Variants in PGM5 observed in about 807,000 individuals in gnomAD.
PGM5 encodes the protein phosphoglucomutase-like protein 5.
A neutral mutation model predicts 59.2 loss-of-function variants in PGM5; 23 were observed. The ratio of observed to expected loss-of-function variants is 0.39; its 90% CI spans 0.28 to 0.55. PGM5 has a LOEUF of 0.55. PGM5 is among the 20% of genes least tolerant of loss of function. The pLI, the probability that PGM5 is intolerant of heterozygous loss-of-function variation, is 0.66. For synonymous variants in PGM5, 214 were observed against 286.0 expected (o/e 0.75, Z 2.54); for missense variants, 574 against 748.3 (o/e 0.77, Z 2.72).
At position 68,413,790 on chromosome 9, in the gene PGM5, A is replaced by T. The variant is rs554084837; in HGVS notation, c.1043+21317A>T. ...GTCCTGATGCAGGAACTCATCTCTTAACAAAACAACACAGCCATATACAGA... is the reference window on the plus strand; with the variant it reads ...GTCCTGATGCAGGAACTCATCTCTTTACAAAACAACACAGCCATATACAGA... On this transcript the variant is annotated intron_variant, in intron 6 of 10. Transcript: ENST00000396396. Among the ~76,000 whole-genome samples the T allele has an allele frequency of 1.4e-3, 214 of 152,308 alleles. 1 individual carries two copies. Among genetic ancestry groups the T allele is most frequent in the African/African-American group, 5.1e-3 (211 of 41,564 alleles).
intron 6 of PGM5, among the ~76,000 whole-genome samples, chr9:68,414,420 A>C (rs148190827): frequency 6.6e-6 from 1 of 152,126 alleles, no homozygotes; most frequent in East Asian, 1.9e-4. Context: ...CAATGAAAGG[A>C]TATGCTATTG....
In PGM5 at chr9:68,530,082, T is replaced by A. The variant is rs1825056987; in HGVS notation, c.*426T>A. On this transcript the variant is annotated 3_prime_UTR_variant, in exon 11 of 11. Transcript: ENST00000396396. Reference sequence around the variant, plus strand: ...CCCCTGGGCAGGCAGAAGGAGACACTCCCAGCATGGAGGAGGGTTTATCTT... The same window carrying A: ...CCCCTGGGCAGGCAGAAGGAGACACACCCAGCATGGAGGAGGGTTTATCTT... 6.3e-6 allele frequency: 1 copy of A among 158,612 alleles called. No homozygotes were observed. The highest frequency in any genetic ancestry group is 1.4e-5 in the Non-Finnish European group (1 of 72,624). 9.8% of individuals were successfully genotyped at this position (158,612 alleles called of 1,614,324 possible).
chr9:68,505,999 C>T (rs543157766), intron 10 of PGM5, among the ~76,000 whole-genome samples: 19 of 152,104 alleles, frequency 1.2e-4, no homozygotes, highest in Non-Finnish European at 2.5e-4. Flanking sequence ...ACAAAGACTC[C>T]TATCATTCAG....
intron 2 of PGM5, among the ~76,000 whole-genome samples, chr9:68,380,704 T>G (rs454791): frequency 1.3e-5 from 2 of 151,650 alleles, no homozygotes; most frequent in Non-Finnish European, 3.0e-5. Context: ...CTAGATTCAC[T>G]AAAAAAAGCA....
rs1244483176 is a variant in PGM5, at chr9:68,466,041, C to T, written c.1159+833C>T. 8.1e-6 allele frequency: 6 copies of T among 741,428 alleles called. No homozygotes were observed. The Admixed American group carries it at 2.3e-4, about 28-fold the overall frequency. 45.9% of individuals were successfully genotyped at this position (741,428 alleles called of 1,614,324 possible). On this transcript the variant is annotated intron_variant, in intron 7 of 10. Coordinates refer to ENST00000396396, the MANE Select transcript of PGM5 (RefSeq NM_021965.4). ...TTTCAAATATTTCTCCTTCCCCATT[C>T]TTTGTCTCTTGTCCTTCTGAGGCTC...
chr9:68,390,219 T>C (rs1312306593), intron 4 of PGM5, among the ~76,000 whole-genome samples: 5 of 152,112 alleles, frequency 3.3e-5, no homozygotes, highest in Admixed American at 2.6e-4. Context: ...GTTGGGCTGA[T>C]CATATTCCTC....
intron 6 of PGM5, among the ~76,000 whole-genome samples, chr9:68,444,984 C>CT (rs1823589578): frequency 6.6e-6 from 1 of 152,192 alleles, no homozygotes; most frequent in Non-Finnish European, 1.5e-5. Flanking sequence ...CTGCCTGGAG[C>CT]TTTGCTTTCT....
intron 1 of PGM5, among the ~76,000 whole-genome samples, chr9:68,362,865 C>CTTTTTTTTTTT (rs1163826772): frequency 2.3e-4 from 22 of 96,752 alleles, no homozygotes; most frequent in East Asian, 3.0e-4. Flanking sequence ...TTTTCTTTTT[C>CTTTTTTTTTTT]TTTTTTTTTT....
chr9:68,526,360 T>C (rs772001835), intron 10 of PGM5, among the ~76,000 whole-genome samples: 1 of 152,228 alleles, frequency 6.6e-6, no homozygotes, highest in African/African-American at 2.4e-5. Context: ...AGTTTCCTCA[T>C]GTGGCATTTT....
intron 1 of PGM5, among the ~76,000 whole-genome samples, chr9:68,377,139 C>A (rs1454128894): frequency 6.6e-6 from 1 of 151,898 alleles, no homozygotes. Context: ...TTTGGCCAGG[C>A]TGGTCTCGAA....
intron 10 of PGM5, among the ~76,000 whole-genome samples, chr9:68,505,529 G>T (rs1824640055): frequency 6.6e-6 from 1 of 152,182 alleles, no homozygotes; most frequent in Non-Finnish European, 1.5e-5. Flanking sequence ...TCCCCCTTCA[G>T]ATTTAATAAT....
chr9:68,470,485 A>G (rs1384611860), intron 7 of PGM5, among the ~76,000 whole-genome samples: 3 of 152,262 alleles, frequency 2.0e-5, no homozygotes, highest in East Asian at 3.8e-4. Context: ...TGGGTTCACA[A>G]TAGTGCTGTT....
intron 10 of PGM5, among the ~76,000 whole-genome samples, chr9:68,524,624 A>G (rs547156960): frequency 3.9e-5 from 6 of 152,314 alleles, no homozygotes; most frequent in Middle Eastern, 3.4e-3. Flanking sequence ...CTCTTCTCCC[A>G]CTGTCTGCCT....
At position 68,471,885 on chromosome 9, in the gene PGM5, C is replaced by G. The variant is rs187225082; in HGVS notation, c.1159+6677C>G. On this transcript the variant is annotated intron_variant, in intron 7 of 10. Transcript: ENST00000396396. ...GATGAGCCAAGATCGTGCTACTGCA[C>G]TCCAGCCTGGGTGACAGGGTGAGAC... Among the ~76,000 whole-genome samples the G allele has an allele frequency of 4.6e-5, 7 of 151,794 alleles. No individual in the cohort carries two copies. In the East Asian group the frequency reaches 1.4e-3, roughly 29 times the overall value.
rs1008014433 is a variant in PGM5 at position 68,530,692 on chromosome 9, A to T, written c.*1036A>T. 2.6e-5 allele frequency: 4 copies of T among 152,250 alleles called. No individual in the cohort carries two copies. The highest frequency in any genetic ancestry group is 4.4e-5 in the Non-Finnish European group (3 of 68,058). The allele number at this position is 152,250 out of a possible 1,614,324, so 9.4% of individuals were successfully genotyped here. A position where few individuals can be genotyped will look rare whatever the true frequency, so the allele number is the denominator to read the frequency against. ...GTAATTGGTGGTACAGCTATGGGCC[A>T]GATGGTGGAGGGGAGGGTGGGGACC... On this transcript the variant is annotated 3_prime_UTR_variant, in exon 11 of 11. Coordinates refer to ENST00000396396, the MANE Select transcript of PGM5 (RefSeq NM_021965.4).
chr9:68,459,251 G>C (rs1037336154), intron 6 of PGM5, among the ~76,000 whole-genome samples: 1 of 152,092 alleles, frequency 6.6e-6, no homozygotes, highest in Non-Finnish European at 1.5e-5. Context: ...ACTCATAAAT[G>C]TTTACTTCAA....
chr9:68,433,389 C>T (rs1329230660), intron 6 of PGM5, among the ~76,000 whole-genome samples: 1 of 152,160 alleles, frequency 6.6e-6, no homozygotes, highest in Non-Finnish European at 1.5e-5. Context: ...TGTTTCAAAC[C>T]AATATGAAAA....
At chr9:68,389,287 G>A (rs1264994575) in intron 4 of PGM5, among the ~76,000 whole-genome samples, 2 of 151,950 alleles carry the variant, frequency 1.3e-5, no homozygotes, top group Non-Finnish European at 2.9e-5. Context: ...CTCCTGGTAG[G>A]TATACAGTTT....
At chr9:68,524,808 T>C (rs958671981) in intron 10 of PGM5, among the ~76,000 whole-genome samples, 2 of 152,210 alleles carry the variant, frequency 1.3e-5, no homozygotes, top group African/African-American at 2.4e-5. Flanking sequence ...CAGAACTGTA[T>C]GATGGAAAAT....
Sources: allele counts gnomAD v4.1 joint callset (sites outside exome capture counted in the v4.1 genomes callset), GRCh38; gene constraint gnomAD v4.1.1; transcripts MANE v1.5; gene names NCBI Gene and HGNC (gene_info 2026-07-23, HGNC 2026-07-21).